SLC23A1: variants seen among roughly 807,000 people sequenced by gnomAD.
SLC23A1 encodes solute carrier family 23 member 1, also known as Na(+)/L-ascorbic acid transporter 1.
Under a neutral mutation model 62.5 loss-of-function variants are expected in SLC23A1, and 31 were observed. The ratio of observed to expected loss-of-function variants is 0.50; its 90% CI spans 0.37 to 0.67. The LOEUF is 0.67. Among genes scored for constraint, SLC23A1 ranks in the 30% least tolerant of loss-of-function variants. The pLI is 0.00. For synonymous variants in SLC23A1, 271 were observed against 313.2 expected, an observed-to-expected ratio of 0.87 and a Z score of 1.42; for missense variants, 640 against 782.7, an observed-to-expected ratio of 0.82 and a Z score of 2.18.
At position 139,372,074 on chromosome 5, in the gene SLC23A1, C is replaced by G; in HGVS notation, c.1729G>C (p.Asp577His). 6.2e-7 allele frequency: 1 copy of G among 1,613,128 alleles called. No individual in the cohort carries two copies. The highest frequency in any genetic ancestry group is 8.5e-7 in the Non-Finnish European group (1 of 1,179,078). ...GTGTCTTCTGGAATTGCAATCTGAT[C>G]TTTTGAACTTGAAGAAAATCCTTTG... ...VFKGFSSSSK[D>H]QIAIPEDTPE... is the part of the protein sequence containing the mutation. The change falls in exon 14 of 15, where the codon GAT becomes CAT. Residue 577 changes from aspartate to histidine, a missense_variant. Transcript: ENST00000348729.
rs950627209 is a variant in SLC23A1 at position 139,372,172 on chromosome 5, T to C, written c.1631A>G (p.Tyr544Cys). The stretch of plus-strand genomic sequence containing the variant: ...TATGCCCATCCCAATGGGGAAATCG[T>C]AGCTCTTGAGGCTGGAAGACATGTC... ...NSDMSSSLKS[Y>C]DFPIGMGIVK... The change falls in exon 14 of 15, where the codon TAC becomes TGC. Residue 544 changes from tyrosine (Y) to cysteine (C), a missense_variant. Tyr to Cys is a radical substitution (Grantham distance 194). Coordinates refer to ENST00000348729, the MANE Select transcript of SLC23A1 (RefSeq NM_005847.5). The C allele has an allele frequency of 1.9e-6, 3 of 1,613,350 alleles. No individual in the cohort carries two copies. In the African/African-American group the frequency reaches 4.0e-5, roughly 22 times the overall value.
chr5:139,380,127 A>T (rs768080341), intron 6 of SLC23A1, 51 bp from the exon 7 acceptor site: 1 of 1,576,238 alleles, frequency 6.3e-7, no homozygotes, highest in Non-Finnish European at 8.6e-7. Context: ...GGCTGGGGCC[A>T]GGAGCCGGGA....
intron 12 of SLC23A1, 29 bp downstream of exon 12, chr5:139,377,946 C>T: frequency 1.2e-6 from 2 of 1,609,354 alleles, no homozygotes; most frequent in Non-Finnish European, 1.7e-6. Context: ...CCCACCCCGC[C>T]TTTGGAGACA....
chr5:139,382,405 A>C, intron 2 of SLC23A1, 87 bp downstream of exon 2: 1 of 737,744 alleles, frequency 1.4e-6, no homozygotes. Flanking sequence ...TCTTCCTGTT[A>C]CCCAAGATAC....
chr5:139,371,331 C>G (rs1433025259), intron 14 of SLC23A1, among the ~76,000 whole-genome samples: 1 of 152,138 alleles, frequency 6.6e-6, no homozygotes, highest in African/African-American at 2.4e-5. Flanking sequence ...CTTTTCTTGT[C>G]TGTCTGAGGG....
chr5:139,380,107 T>C, intron 6 of SLC23A1, 31 bp from the exon 7 acceptor site: 1 of 1,592,854 alleles, frequency 6.3e-7, no homozygotes, highest in South Asian at 1.1e-5. Context: ...AGGAAGTGGA[T>C]GGGAGGCCAG....
At chr5:139,384,692 A>G (rs1758441763), upstream of SLC23A1, 2 of 1,198,342 alleles carry the variant, frequency 1.7e-6, no homozygotes, top group Non-Finnish European at 2.1e-6. Context: ...CACAACACGC[A>G]TAGAGAACAA....
intron 14 of SLC23A1, chr5:139,369,114 A>G: frequency 4.9e-6 from 1 of 203,666 alleles, no homozygotes; most frequent in East Asian, 1.1e-4. Flanking sequence ...AGGCTAATCT[A>G]TCACTTGTTA....
chr5:139,379,991 T>A lies in SLC23A1; in HGVS notation c.733A>T (p.Thr245Ser). 1 of 1,613,502 alleles carries A rather than the reference T, an allele frequency of 6.2e-7. No individual in the cohort carries two copies. The highest frequency in any genetic ancestry group is 2.2e-5 in the East Asian group (1 of 44,812). The part of the protein sequence containing the change: ...LPVYRWGKGL[T>S]LLRIQIFKMF... ...TTGAAGATCTGGATGCGGAGGAGAG[T>A]GAGGCCCTTGCCCCAGCGGTAGACA... Residue 245 changes from threonine to serine, a missense_variant, in exon 7 of 15, where the codon ACT becomes TCT. Physicochemically the swap from Thr to Ser is moderately conservative, Grantham distance 58 (BLOSUM62 1). Transcript: ENST00000348729. The surrounding 1 kb of genome is among the most constrained non-coding windows in gnomAD (Gnocchi z 4.7).
At position 139,380,365 on chromosome 5, in the gene SLC23A1, T is replaced by C. The variant is rs757351823; in HGVS notation, c.490A>G (p.Ser164Gly). The C allele has an allele frequency of 2.5e-6, 4 of 1,613,142 alleles. No individual in the cohort carries two copies. Among genetic ancestry groups the C allele is most frequent in the South Asian group, 2.2e-5 (2 of 90,842 alleles). ...AGGCCAATCACCACCTCCACCACGC[T>C]GGACACCATGATTGCACCCTGGACC... Reference protein sequence around the residue: ...REVQGAIMVSSVVEVVIGLLG... With the variant: ...REVQGAIMVSGVVEVVIGLLG... The change falls in exon 6 of 15, where the codon AGC (serine) becomes GGC (glycine). Residue 164 changes from serine (S) to glycine (G), a missense_variant. Transcript: ENST00000348729.
At position 139,378,477 on chromosome 5, in the gene SLC23A1, C is replaced by T. The variant is rs4274973; in HGVS notation, c.1179+102G>A. On this transcript the variant is annotated intron_variant, in intron 10 of 14. Coordinates refer to ENST00000348729, the MANE Select transcript of SLC23A1 (RefSeq NM_005847.5). The surrounding 1 kb of genome is among the most constrained non-coding windows in gnomAD (Gnocchi z 4.5). ...GGGGCTTGATGCGGGGGCGAGGCCT[C>T]TCAAAGACAGGGTGGGGCTAAACCA... 5 of 1,431,500 alleles carry T rather than the reference C, an allele frequency of 3.5e-6. No individual in the cohort carries two copies. The East Asian group carries it at 7.4e-5, about 21-fold the overall frequency. 88.7% of individuals were successfully genotyped at this position (1,431,500 alleles called of 1,614,324 possible). A position where few individuals can be genotyped will look rare whatever the true frequency, so the allele number is the denominator to read the frequency against.
rs750368883 is a variant in SLC23A1 at position 139,372,078 on chromosome 5, T to C, written c.1725A>G (p.Ser575=). ...CTTCTGGAATTGCAATCTGATCTTTTGAACTTGAAGAAAATCCTTTGAAGA... is the reference window on the plus strand; with the variant it reads ...CTTCTGGAATTGCAATCTGATCTTTCGAACTTGAAGAAAATCCTTTGAAGA... ...CPVFKGFSSS[S]KDQIAIPEDT... Residue 575 remains serine (S), a synonymous_variant, in exon 14 of 15, where the codon TCA becomes TCG. Transcript: ENST00000348729. 4 of 1,613,238 alleles carry C rather than the reference T, an allele frequency of 2.5e-6. No individual in the cohort carries two copies. The highest frequency in any genetic ancestry group is 3.3e-5 in the Admixed American group (2 of 60,016).
chr5:139,384,626 C>T, upstream of SLC23A1: 1 of 1,238,340 alleles, frequency 8.1e-7, no homozygotes, highest in Non-Finnish European at 1.0e-6. Flanking sequence ...GCTGTGGAGA[C>T]CAAGCCCGAC....
In SLC23A1 at chr5:139,379,852, G is replaced by A; in HGVS notation, c.769-18C>T. ...AGCATGATCTGAAGGAGGGGGGTGA[G>A]GGGGCACTGAAGGCACTGGAGGTCT... On this transcript the variant is annotated intron_variant, in intron 7 of 14. Transcript: ENST00000348729. The surrounding 1 kb of genome is among the most constrained non-coding windows in gnomAD (Gnocchi z 4.7). 6.2e-7 allele frequency: 1 copy of A among 1,614,060 alleles called. No individual in the cohort carries two copies. The highest frequency in any genetic ancestry group is 1.3e-5 in the African/African-American group (1 of 75,004).
chr5:139,371,473 A>G (rs2152063244), intron 14 of SLC23A1, among the ~76,000 whole-genome samples: 1 of 152,344 alleles, frequency 6.6e-6, no homozygotes, highest in Middle Eastern at 3.4e-3. Flanking sequence ...TCACCTCATC[A>G]GGGCTTGTAC....
At chr5:139,373,951 C>T (rs573084418) in intron 13 of SLC23A1, among the ~76,000 whole-genome samples, 11 of 152,338 alleles carry the variant, frequency 7.2e-5, no homozygotes, top group African/African-American at 2.4e-4. Context: ...GTCAGCCTGC[C>T]CACTACATCC....
Position 139,378,428 on chromosome 5 carries a change from A to C in SLC23A1, c.1180-77T>G, listed in dbSNP as rs963353778. On this transcript the variant is annotated intron_variant, in intron 10 of 14. Transcript: ENST00000348729. This position sits in a 1 kb window ranked among gnomAD's most constrained non-coding sequence, Gnocchi z 4.5. ...GTTAGTTCCAGGGGCGGGGCCTGTT[A>C]TAAGAGCGAGGCATAAACCGGCTGG... 1 of 1,513,016 alleles carries C rather than the reference A, an allele frequency of 6.6e-7. No individual in the cohort carries two copies. Among genetic ancestry groups the C allele is most frequent in the African/African-American group, 1.4e-5 (1 of 72,296 alleles). The allele number at this position is 1,513,016 out of a possible 1,614,324, so 93.7% of individuals were successfully genotyped here.
In SLC23A1 at chr5:139,378,356, C is replaced by G. The variant is rs762451019; in HGVS notation, c.1180-5G>C. ...CACCACGCGCCGGCTGCCCACCTGC[C>G]GGGGAGCCAGCGGGGAAGCTAGACC... On this transcript the variant is annotated splice_region_variant and splice_polypyrimidine_tract_variant and intron_variant, in intron 10 of 14. Coordinates refer to ENST00000348729, the MANE Select transcript of SLC23A1 (RefSeq NM_005847.5). The surrounding 1 kb of genome is among the most constrained non-coding windows in gnomAD (Gnocchi z 4.5). 38 of 1,557,906 alleles carry G rather than the reference C, an allele frequency of 2.4e-5. 1 individual carries two copies. Among genetic ancestry groups the G allele is most frequent in the Middle Eastern group, 2.2e-4 (1 of 4,630 alleles).
chr5:139,376,895 G>A (rs1366091575), intron 13 of SLC23A1, among the ~76,000 whole-genome samples: 2 of 152,166 alleles, frequency 1.3e-5, no homozygotes, highest in Non-Finnish European at 2.9e-5. Context: ...GTTGAGGCGA[G>A]CGTATCACTT....
Sources: allele counts gnomAD v4.1 joint callset (sites outside exome capture counted in the v4.1 genomes callset), GRCh38; gene constraint gnomAD v4.1.1; non-coding constraint Gnocchi (gnomAD v3.1); transcripts MANE v1.5; gene names NCBI Gene and HGNC (gene_info 2026-07-23, HGNC 2026-07-21).